Variants in ERC1 observed in about 807,000 individuals in gnomAD.
ERC1 encodes ELKS/RAB6-interacting/CAST family member 1, also known as RAB6 interacting protein 2.
ERC1 carries 56 observed loss-of-function variants against 132.0 expected under a neutral mutation model. That is an observed-to-expected ratio of 0.42 (90% CI 0.34 to 0.53). The LOEUF (loss-of-function observed/expected upper bound fraction) is 0.53, where lower values mean the gene tolerates loss of function less well. Among genes scored for constraint, ERC1 ranks in the 20% least tolerant of loss-of-function variants. The pLI is 0.03. For missense variants in ERC1, 1,202 were observed against 1,349.9 expected, an observed-to-expected ratio of 0.89 and a Z score of 1.72; for synonymous variants, 478 against 476.1, an observed-to-expected ratio of 1.00 and a Z score of -0.05.
intron 13 of ERC1, among the ~76,000 whole-genome samples, chr12:1,254,431 G>A (rs2076661960): frequency 6.6e-6 from 1 of 152,128 alleles, no homozygotes; most frequent in Admixed American, 6.5e-5. Context: ...AACAGTACCT[G>A]TGTTAATGGC....
chr12:1,443,139 T>C (rs2093206560), intron 17 of ERC1, among the ~76,000 whole-genome samples: 1 of 152,188 alleles, frequency 6.6e-6, no homozygotes. Flanking sequence ...GATCTCATGA[T>C]CTGCCCTCCT....
At chr12:1,082,853 TTCCC>T (rs1174806897) in intron 2 of ERC1, among the ~76,000 whole-genome samples, 1 of 152,136 alleles carries the variant, frequency 6.6e-6, no homozygotes. Context: ...ATTTCCCACA[TTCCC>T]TCAAATTTAG....
At chr12:1,272,943 G>A (rs979270655) in intron 14 of ERC1, among the ~76,000 whole-genome samples, 8 of 94,182 alleles carry the variant, frequency 8.5e-5, no homozygotes, top group Admixed American at 4.0e-4. Flanking sequence ...GTGAGACTCC[G>A]TCTAAAAAAA....
At chr12:1,328,630 T>C (rs2082634382) in intron 15 of ERC1, among the ~76,000 whole-genome samples, 2 of 139,350 alleles carry the variant, frequency 1.4e-5, no homozygotes, top group South Asian at 4.4e-4. Flanking sequence ...CTCTTTCGCT[T>C]CCCCCTCTTG....
intron 1 of ERC1, among the ~76,000 whole-genome samples, chr12:998,763 C>T (rs58485343): frequency 1.9e-3 from 294 of 152,130 alleles, no homozygotes; most frequent in African/African-American, 6.9e-3. Flanking sequence ...GCGGATACCC[C>T]TCCTTCCTTT....
At chr12:1,225,208 C>G (rs1176245243) in intron 12 of ERC1, among the ~76,000 whole-genome samples, 1 of 151,872 alleles carries the variant, frequency 6.6e-6, no homozygotes, top group Non-Finnish European at 1.5e-5. Flanking sequence ...CCTGTAATCT[C>G]AGCAACTCAG....
intron 3 of ERC1, among the ~76,000 whole-genome samples, chr12:1,103,799 A>G (rs1296733663): frequency 6.6e-6 from 1 of 152,156 alleles, no homozygotes; most frequent in African/African-American, 2.4e-5. Flanking sequence ...TGGCCTCCCA[A>G]AGTGCTGGGA....
chr12:1,184,996 C>T (rs989176094), intron 11 of ERC1, among the ~76,000 whole-genome samples: 11 of 152,102 alleles, frequency 7.2e-5, no homozygotes, highest in Admixed American at 6.5e-4. Context: ...CTGCAACCTC[C>T]GCCTCCCGGT....
chr12:1,173,608 T>A (rs948858983), intron 8 of ERC1, among the ~76,000 whole-genome samples: 5 of 152,308 alleles, frequency 3.3e-5, no homozygotes, highest in Non-Finnish European at 5.9e-5. Context: ...TATGGGTACT[T>A]GAATTAGTAT....
rs922545192 is a variant in ERC1, at chr12:1,493,087, G to T, written c.*2857G>T. The T allele has an allele frequency of 1.1e-4, 25 of 220,312 alleles. No individual in the cohort carries two copies. In the East Asian group the frequency reaches 1.6e-3, roughly 14 times the overall value. 13.6% of individuals were successfully genotyped at this position (220,312 alleles called of 1,614,324 possible). Reference sequence around the variant, plus strand: ...GAAGAGTGGGTGTGATCCCAACGGGGTTTTGTAACTGAAGAAGCCCAGTGT... The same window carrying T: ...GAAGAGTGGGTGTGATCCCAACGGGTTTTTGTAACTGAAGAAGCCCAGTGT... On this transcript the variant is annotated 3_prime_UTR_variant, in exon 19 of 19. Coordinates refer to ENST00000360905, the MANE Select transcript of ERC1 (RefSeq NM_178040.4).
intron 14 of ERC1, among the ~76,000 whole-genome samples, chr12:1,280,698 TCA>T (rs375772938): frequency 6.6e-6 from 1 of 151,956 alleles, no homozygotes; most frequent in African/African-American, 2.4e-5. Flanking sequence ...ATGGCCAAAA[TCA>T]CACACACACA....
chr12:1,219,635 CT>C (rs775838825), intron 12 of ERC1, among the ~76,000 whole-genome samples: 37 of 140,670 alleles, frequency 2.6e-4, no homozygotes, highest in Admixed American at 5.0e-4. Context: ...ACTGAACTCT[CT>C]TTTTTTTTTT....
At chr12:1,169,911 C>A (rs1332561770) in intron 8 of ERC1, among the ~76,000 whole-genome samples, 2 of 152,090 alleles carry the variant, frequency 1.3e-5, no homozygotes, top group East Asian at 3.9e-4. Flanking sequence ...TGCTTACATG[C>A]CCCAAAGAAA....
At chr12:1,214,676 A>G (rs957828146) in intron 12 of ERC1, among the ~76,000 whole-genome samples, 2 of 83,106 alleles carry the variant, frequency 2.4e-5, no homozygotes, top group Non-Finnish European at 2.1e-5. Flanking sequence ...ACACACACAC[A>G]CACACACACA....
At chr12:1,263,825 G>A (rs993718727) in intron 14 of ERC1, among the ~76,000 whole-genome samples, 4 of 152,018 alleles carry the variant, frequency 2.6e-5, no homozygotes, top group African/African-American at 9.7e-5. Flanking sequence ...GAGTAGCTGG[G>A]ATTACAGGTG....
chr12:1,077,424 A>G (rs1309954392), intron 2 of ERC1, among the ~76,000 whole-genome samples: 2 of 152,196 alleles, frequency 1.3e-5, no homozygotes, highest in Admixed American at 1.3e-4. Flanking sequence ...GCAGATATCT[A>G]ATTGTTGTAA....
At chr12:1,424,844 TGATAGATAGATAGATAGATC>T (rs1339537089) in intron 17 of ERC1, among the ~76,000 whole-genome samples, 833 of 75,480 alleles carry the variant, frequency 0.011, 9 homozygotes, top group African/African-American at 0.023. Context: ...GATAGATAGA[TGATAGATAGATAGATAGATC>T]GATAGATAGA....
intron 17 of ERC1, among the ~76,000 whole-genome samples, chr12:1,432,506 G>A (rs1307442325): frequency 1.3e-5 from 2 of 151,648 alleles, no homozygotes; most frequent in Non-Finnish European, 2.9e-5. Flanking sequence ...TAGTTACCAA[G>A]GATAACTTGT....
intron 8 of ERC1, among the ~76,000 whole-genome samples, chr12:1,173,823 A>G (rs1303835362): frequency 1.3e-5 from 2 of 152,252 alleles, no homozygotes; most frequent in East Asian, 3.8e-4. Flanking sequence ...GATCACAACG[A>G]AAGTGAGGAT....
Sources: allele counts gnomAD v4.1 joint callset (sites outside exome capture counted in the v4.1 genomes callset), GRCh38; gene constraint gnomAD v4.1.1; transcripts MANE v1.5; gene names NCBI Gene and HGNC (gene_info 2026-07-23, HGNC 2026-07-21).